The following DCDC1 variants were observed in gnomAD, a reference collection of about 807,000 sequenced individuals.
DCDC1 encodes the protein doublecortin domain containing 1, also known as doublecortin domain-containing protein 1.
A neutral mutation model predicts 178.3 loss-of-function variants in DCDC1; 200 were observed. The observed-to-expected ratio is 1.12, with a 90% CI of 1.00 to 1.26. The LOEUF (loss-of-function observed/expected upper bound fraction) is 1.26. DCDC1 is among the 50% of genes most tolerant of loss of function. The pLI is 0.00. For synonymous variants in DCDC1, 690 were observed against 604.8 expected (o/e 1.14, Z -2.07); for missense variants, 1,983 against 1,749.2 (o/e 1.13, Z -2.38).
chr11:30,873,378 G>GAGAGAGAC (rs1400972892), intron 38 of DCDC1, among the ~76,000 whole-genome samples: 16 of 150,996 alleles, frequency 1.1e-4, no homozygotes, highest in African/African-American at 3.9e-4. Flanking sequence ...GAGAGAGAGA[G>GAGAGAGAC]AGAGAGAGAA....
At chr11:31,026,466 T>C (rs1471378506) in intron 20 of DCDC1, among the ~76,000 whole-genome samples, 1 of 151,846 alleles carries the variant, frequency 6.6e-6, no homozygotes, top group Non-Finnish European at 1.5e-5. Context: ...TTTAATTTTC[T>C]TTTGTGCGTG....
chr11:31,307,354 A>C (rs574095174), intron 4 of DCDC1: 3 of 324,846 alleles, frequency 9.2e-6, no homozygotes, highest in Admixed American at 8.9e-5. Context: ...TTTTTAAATA[A>C]GTTCGTGTGA....
At chr11:30,971,204 A>T (rs1440802048) in intron 20 of DCDC1, among the ~76,000 whole-genome samples, 1 of 152,236 alleles carries the variant, frequency 6.6e-6, no homozygotes, top group African/African-American at 2.4e-5. Flanking sequence ...AGCAACTATT[A>T]TGCCAGATAT....
At chr11:31,312,400 G>A (rs933093300) in intron 3 of DCDC1, among the ~76,000 whole-genome samples, 1 of 152,140 alleles carries the variant, frequency 6.6e-6, no homozygotes, top group Non-Finnish European at 1.5e-5. Flanking sequence ...TTGCTGTGAT[G>A]ATTAATTTTA....
chr11:31,303,445 T>G (rs565445533), intron 6 of DCDC1, among the ~76,000 whole-genome samples: 1 of 152,286 alleles, frequency 6.6e-6, no homozygotes, highest in African/African-American at 2.4e-5. Context: ...TTCAAAGTTA[T>G]TCACACGTTT....
At chr11:31,017,106 G>A (rs535124460) in intron 20 of DCDC1, among the ~76,000 whole-genome samples, 54 of 152,212 alleles carry the variant, frequency 3.5e-4, no homozygotes, top group African/African-American at 1.3e-3. Flanking sequence ...GTACAATATA[G>A]ATACATTATA....
intron 36 of DCDC1, 79 bp from the exon 37 acceptor site, chr11:30,881,387 GA>G: frequency 6.6e-7 from 1 of 1,516,812 alleles, no homozygotes; most frequent in Non-Finnish European, 8.9e-7. Flanking sequence ...ACTCTTCTGA[GA>G]AAACTATTAT....
At chr11:30,950,787 T>C (rs969928931) in intron 21 of DCDC1, among the ~76,000 whole-genome samples, 4 of 152,090 alleles carry the variant, frequency 2.6e-5, no homozygotes, top group Non-Finnish European at 5.9e-5. Flanking sequence ...TAAGATCTAG[T>C]AGTCAGTAGC....
At chr11:30,933,388 T>C (rs550938987) in intron 21 of DCDC1, among the ~76,000 whole-genome samples, 4 of 152,290 alleles carry the variant, frequency 2.6e-5, no homozygotes, top group Admixed American at 6.5e-5. Context: ...TTAAATCATA[T>C]AAAGCTCTTT....
Position 30,911,413 on chromosome 11 carries a change from GA to G in DCDC1, c.3660del (p.His1221ThrfsTer3). 6.3e-7 allele frequency: 1 copy of G among 1,596,624 alleles called. No homozygotes were observed. On this transcript the variant is annotated frameshift_variant, in exon 28 of 39. Transcript: ENST00000684477. LOFTEE classifies it high-confidence loss of function. ...ACAAGGTCAGGGTTACTCACAAGGTGAAAGGTCCTTGGGAAAACAGGATTAG... is the reference window on the plus strand; with the variant it reads ...ACAAGGTCAGGGTTACTCACAAGGTGAAGGTCCTTGGGAAAACAGGATTAG... The part of the protein sequence containing the change: ...RWIHQEDSRT[F>X]HLVSNPDLVL...
intron 17 of DCDC1, among the ~76,000 whole-genome samples, chr11:31,083,554 C>T (rs1423171979): frequency 6.6e-6 from 1 of 152,158 alleles, no homozygotes; most frequent in East Asian, 1.9e-4. Context: ...GGGGACATCA[C>T]CACTCAGTTC....
Position 31,340,652 on chromosome 11 carries a change from C to T in DCDC1, c.-124-5088G>A, listed in dbSNP as rs181946170. On this transcript the variant is annotated intron_variant, in intron 1 of 38. Transcript: ENST00000684477. ...CTCCATAATGTGATGTGGGTCTCATCCAATCAGTTTAAAGCTTTTATAGAA... is the reference window on the plus strand; with the variant it reads ...CTCCATAATGTGATGTGGGTCTCATTCAATCAGTTTAAAGCTTTTATAGAA... 6.4e-4 allele frequency among the ~76,000 whole-genome samples: 97 copies of T among 152,174 alleles called. 1 individual carries two copies. The highest frequency in any genetic ancestry group is 7.6e-4 in the Non-Finnish European group (52 of 68,002).
Position 30,978,715 on chromosome 11 carries a change from A to T in DCDC1, c.2592-26147T>A, listed in dbSNP as rs577039861. Among the ~76,000 whole-genome samples, 9 of 151,286 alleles carry T rather than the reference A, an allele frequency of 5.9e-5. No individual in the cohort carries two copies. In the South Asian group the frequency reaches 1.5e-3, roughly 25 times the overall value. ...ACAGTGCTATAGAACGTTAGAACTT[A>T]TTCCTTCCATCTAACTCTACAAGTG... On this transcript the variant is annotated intron_variant, in intron 20 of 38. Transcript: ENST00000684477.
At chr11:31,275,663 C>T (rs891136753) in intron 7 of DCDC1, among the ~76,000 whole-genome samples, 25 of 152,190 alleles carry the variant, frequency 1.6e-4, no homozygotes, top group Admixed American at 3.9e-4. Flanking sequence ...CACCACTACG[C>T]CTGGCTAATT....
intron 9 of DCDC1, among the ~76,000 whole-genome samples, chr11:31,153,961 C>A (rs547897822): frequency 6.6e-6 from 1 of 152,250 alleles, no homozygotes. Context: ...ACCCAAATCC[C>A]ATGTTGAATT....
intron 8 of DCDC1, among the ~76,000 whole-genome samples, chr11:31,250,385 TACAC>T (rs10640581): frequency 0.13 from 12,385 of 92,730 alleles, 2,673 homozygotes; most frequent in African/African-American, 0.43. Context: ...AGTGAATGAA[TACAC>T]ACACACACAC....
intron 20 of DCDC1, among the ~76,000 whole-genome samples, chr11:30,965,348 C>G (rs1456197813): frequency 6.6e-6 from 1 of 152,062 alleles, no homozygotes; most frequent in Non-Finnish European, 1.5e-5. Flanking sequence ...AAATATTGTG[C>G]TGGCCAGCAA....
chr11:31,104,452 C>G (rs1339562318), intron 13 of DCDC1, among the ~76,000 whole-genome samples: 2 of 151,862 alleles, frequency 1.3e-5, no homozygotes, highest in African/African-American at 4.8e-5. Context: ...GTGGGACATT[C>G]TACAAGAAAA....
chr11:31,169,994 T>G (rs1410511772), intron 9 of DCDC1, among the ~76,000 whole-genome samples: 1 of 152,074 alleles, frequency 6.6e-6, no homozygotes, highest in East Asian at 1.9e-4. Flanking sequence ...TGGCACAGGG[T>G]GAGTGAATGG....
Sources: allele counts gnomAD v4.1 joint callset (sites outside exome capture counted in the v4.1 genomes callset), GRCh38; gene constraint gnomAD v4.1.1; transcripts MANE v1.5; gene names NCBI Gene and HGNC (gene_info 2026-07-23, HGNC 2026-07-21).